The following CHD6 variants were observed in gnomAD, a reference collection of about 807,000 sequenced individuals.
The protein encoded by CHD6 is chromodomain helicase DNA binding protein 6, also known as ATP-dependent chromatin remodeler CHD6.
Under a neutral mutation model 276.9 loss-of-function variants are expected in CHD6, and 50 were observed. The ratio of observed to expected loss-of-function variants is 0.18; its 90% confidence interval spans 0.14 to 0.23. CHD6 has a LOEUF of 0.23. Ranked by LOEUF, CHD6 falls within the 10% of genes least tolerant of loss-of-function variation. The pLI is 1.00. For synonymous variants in CHD6, 1,173 were observed against 1,229.3 expected (o/e 0.95, Z 0.96); for missense variants, 2,564 against 3,365.8 (o/e 0.76, Z 5.89).
chr20:41,521,456 TG>T (rs1319909551), intron 3 of CHD6, among the ~76,000 whole-genome samples: 1 of 152,208 alleles, frequency 6.6e-6, no homozygotes, highest in Non-Finnish European at 1.5e-5. Flanking sequence ...TACTGTCAGA[TG>T]AATCTCAACT....
chr20:41,544,239 C>CAA (rs560600611), intron 2 of CHD6, among the ~76,000 whole-genome samples: 15 of 149,620 alleles, frequency 1.0e-4, no homozygotes, highest in Non-Finnish European at 1.9e-4. Flanking sequence ...AACTCTGTCT[C>CAA]AAAAAAAAAC....
chr20:41,548,934 C>G (rs1005336308), intron 2 of CHD6, among the ~76,000 whole-genome samples: 9 of 152,154 alleles, frequency 5.9e-5, no homozygotes, highest in African/African-American at 2.2e-4. Flanking sequence ...AAATCAAAAC[C>G]ACAATGAGAT....
intron 19 of CHD6, 66 bp downstream of exon 19, chr20:41,455,734 G>A (rs946776446): frequency 4.4e-6 from 5 of 1,130,518 alleles, no homozygotes; most frequent in Admixed American, 2.7e-5. Flanking sequence ...CTGCTAATGG[G>A]TTTCAGAGAA....
intron 23 of CHD6, among the ~76,000 whole-genome samples, chr20:41,450,416 C>T (rs903117051): frequency 2.0e-5 from 3 of 151,756 alleles, no homozygotes; most frequent in Admixed American, 2.0e-4. Flanking sequence ...CCCAAGTCCC[C>T]AAGACTAAAC....
chr20:41,517,682 A>G (rs2044285862), intron 3 of CHD6, among the ~76,000 whole-genome samples: 1 of 152,254 alleles, frequency 6.6e-6, no homozygotes, highest in South Asian at 2.1e-4. Flanking sequence ...ACTGCATAGC[A>G]AATTACATTC....
chr20:41,617,058 T>C (rs1040524974), intron 1 of CHD6, among the ~76,000 whole-genome samples: 1 of 152,102 alleles, frequency 6.6e-6, no homozygotes, highest in Non-Finnish European at 1.5e-5. Context: ...TGGGAAACAA[T>C]AATCAAATTT....
intron 1 of CHD6, among the ~76,000 whole-genome samples, chr20:41,582,074 G>C (rs1443678915): frequency 1.3e-5 from 2 of 152,138 alleles, no homozygotes; most frequent in African/African-American, 4.8e-5. Context: ...ACTGTTGGTG[G>C]GAGGGGCAGT....
At position 41,421,788 on chromosome 20, in the gene CHD6, G is replaced by T. The variant is rs1429064799; in HGVS notation, c.4847C>A (p.Ala1616Asp). The change falls in exon 31 of 37, where the codon GCC becomes GAC. Residue 1616 changes from alanine to aspartate, a missense_variant. Physicochemically the swap from Ala to Asp is moderately radical, Grantham distance 126 (BLOSUM62 -2). Around this residue, in one of 7 missense-constraint regions of CHD6, gnomAD observed 1,024 missense variants for 1,047.9 expected, o/e 0.98. Transcript: ENST00000373233. ...CTGGGTGCCAGATCTTTTATGCTGG[G>T]CATAGTTTCTATAGGCATCCAGGAA... Reference protein sequence around the residue: ...LSFLDAYRNYAQHKRSGTQAP... With the variant: ...LSFLDAYRNYDQHKRSGTQAP... 1.2e-6 allele frequency: 2 copies of T among 1,614,178 alleles called. No homozygotes were observed. Among genetic ancestry groups the T allele is most frequent in the South Asian group, 2.2e-5 (2 of 91,086 alleles).
intron 1 of CHD6, among the ~76,000 whole-genome samples, chr20:41,580,025 C>G (rs1246312143): frequency 1.3e-5 from 2 of 152,162 alleles, no homozygotes; most frequent in Non-Finnish European, 2.9e-5. Context: ...TACTTGGTAT[C>G]AGTGTAGTTA....
At chr20:41,447,076 T>C (rs1323934014) in intron 24 of CHD6, among the ~76,000 whole-genome samples, 1 of 152,224 alleles carries the variant, frequency 6.6e-6, no homozygotes, top group East Asian at 1.9e-4. Context: ...TAACAGTTGC[T>C]GAGGAGCCTG....
At chr20:41,489,057 A>G (rs2043487192) in intron 12 of CHD6, among the ~76,000 whole-genome samples, 1 of 152,136 alleles carries the variant, frequency 6.6e-6, no homozygotes, top group Non-Finnish European at 1.5e-5. Context: ...ATTCTGATGC[A>G]CCTAAGACAA....
Position 41,457,419 on chromosome 20 carries a change from G to T in CHD6, c.2674C>A (p.Arg892=). Residue 892 remains arginine (R), a synonymous_variant, in exon 18 of 37, where the codon CGA becomes AGA. Coordinates refer to ENST00000373233, the MANE Select transcript of CHD6 (RefSeq NM_032221.5). ...TTGCTCTGGCCTATGCGGTGACATC[G>T]GGCCTGAGCCTGGGAAGAAGAAGAG... ...NPQNDLQAQA[R]CHRIGQSKAV... 1 of 1,609,846 alleles carries T rather than the reference G, an allele frequency of 6.2e-7. No individual in the cohort carries two copies. Among genetic ancestry groups the T allele is most frequent in the Non-Finnish European group, 8.5e-7 (1 of 1,176,476 alleles).
chr20:41,579,904 A>G (rs139260255), intron 1 of CHD6, among the ~76,000 whole-genome samples: 9 of 152,324 alleles, frequency 5.9e-5, no homozygotes, highest in East Asian at 5.8e-4. Context: ...CTTTAGTACA[A>G]TAAAAGAAAA....
rs2046557524 is a variant in CHD6 at position 41,402,225 on chromosome 20, G to A, written c.*2368C>T. On this transcript the variant is annotated 3_prime_UTR_variant, in exon 37 of 37. Coordinates refer to ENST00000373233, the MANE Select transcript of CHD6 (RefSeq NM_032221.5). ...GATGAAAAGGCTCAAGTTTGCTGAAGAGAGTTTAAATTTGGCTTTTGCTCT... is the reference window on the plus strand; with the variant it reads ...GATGAAAAGGCTCAAGTTTGCTGAAAAGAGTTTAAATTTGGCTTTTGCTCT... The A allele has an allele frequency of 9.1e-6, 2 of 220,166 alleles. No homozygotes were observed. The highest frequency in any genetic ancestry group is 1.8e-5 in the Non-Finnish European group (2 of 109,896). The allele number at this position is 220,166 out of a possible 1,614,324, so 13.6% of individuals were successfully genotyped here.
intron 17 of CHD6, among the ~76,000 whole-genome samples, chr20:41,469,283 CG>C (rs545664180): frequency 6.6e-4 from 100 of 152,218 alleles, no homozygotes; most frequent in African/African-American, 2.3e-3. Flanking sequence ...GCAGGAAGGA[CG>C]CAGAACTGTG....
intron 23 of CHD6, among the ~76,000 whole-genome samples, chr20:41,450,241 A>C (rs1019712896): frequency 6.6e-6 from 1 of 152,216 alleles, no homozygotes; most frequent in South Asian, 2.1e-4. Flanking sequence ...ACTCTTGATT[A>C]CCAGAGGTGT....
At chr20:41,609,387 T>A (rs1266563301) in intron 1 of CHD6, among the ~76,000 whole-genome samples, 2 of 152,186 alleles carry the variant, frequency 1.3e-5, no homozygotes, top group Non-Finnish European at 2.9e-5. Context: ...TTGTGCCCCA[T>A]AATCAGTGAC....
chr20:41,543,249 G>T (rs776120675), intron 2 of CHD6, among the ~76,000 whole-genome samples: 1 of 152,180 alleles, frequency 6.6e-6, no homozygotes, highest in Non-Finnish European at 1.5e-5. Context: ...CAGAGTAGAA[G>T]CCTAGAGAGG....
intron 1 of CHD6, among the ~76,000 whole-genome samples, chr20:41,557,432 A>C (rs76410441): frequency 0.08 from 12,135 of 151,424 alleles, 747 homozygotes; most frequent in Non-Finnish European, 0.11. Flanking sequence ...TTAAATTACT[A>C]TCTCTCTCTC....
Sources: gnomAD v4.1 joint callset for allele counts (sites outside exome capture counted in the v4.1 genomes callset) on GRCh38, gnomAD v4.1.1 for gene constraint, gnomAD v4.1.1 regional missense constraint, MANE v1.5 for transcripts, NCBI Gene and HGNC (gene_info 2026-07-23, HGNC 2026-07-21) for gene names.